Variants in IPCEF1 observed in about 807,000 individuals in gnomAD.
IPCEF1 encodes the protein interaction protein for cytohesin exchange factors 1, also known as interactor protein for cytohesin exchange factors 1.
IPCEF1 carries 31 observed loss-of-function variants against 50.9 expected under a neutral mutation model. That is an observed-to-expected ratio of 0.61 (90% CI 0.46 to 0.82). The LOEUF is 0.82. IPCEF1 is among the 40% of genes least tolerant of loss of function. The probability of loss-of-function intolerance (pLI) is 0.00; values close to 1 mark genes in which losing one functional copy is unlikely to be tolerated. For synonymous variants in IPCEF1, 181 were observed against 192.0 expected (o/e 0.94, Z 0.47); for missense variants, 458 against 514.0 (o/e 0.89, Z 1.05).
intron 10 of IPCEF1, among the ~76,000 whole-genome samples, chr6:154,184,403 A>G (rs1411689763): frequency 1.3e-5 from 2 of 152,126 alleles, no homozygotes; most frequent in Non-Finnish European, 2.9e-5. Context: ...TATCAAAAAT[A>G]ACAAGGTAGA....
chr6:154,271,521 G>C (rs1171351022), intron 2 of IPCEF1, among the ~76,000 whole-genome samples: 2 of 152,042 alleles, frequency 1.3e-5, no homozygotes, highest in Non-Finnish European at 1.5e-5. Flanking sequence ...ATATTATATA[G>C]ATTACTTTTA....
chr6:154,272,598 T>C (rs1037531884), intron 2 of IPCEF1, among the ~76,000 whole-genome samples: 1 of 152,236 alleles, frequency 6.6e-6, no homozygotes, highest in Non-Finnish European at 1.5e-5. Context: ...CTAGAAAATA[T>C]GTTTTGTTAG....
intron 5 of IPCEF1, among the ~76,000 whole-genome samples, chr6:154,230,353 T>C (rs1342560733): frequency 6.6e-6 from 1 of 152,218 alleles, no homozygotes; most frequent in Non-Finnish European, 1.5e-5. Flanking sequence ...TGTACCTTCC[T>C]CTTACTTTTG....
At chr6:154,250,576 G>T (rs548037179) in intron 3 of IPCEF1, among the ~76,000 whole-genome samples, 256 of 152,236 alleles carry the variant, frequency 1.7e-3, no homozygotes, top group African/African-American at 6.0e-3. Flanking sequence ...AAAAACACAT[G>T]GAAATATACA....
At chr6:154,225,498 A>G (rs1779178748) in intron 5 of IPCEF1, among the ~76,000 whole-genome samples, 1 of 152,252 alleles carries the variant, frequency 6.6e-6, no homozygotes, top group Admixed American at 6.5e-5. Flanking sequence ...ACAAAAGCTC[A>G]TCTCTCGTAT....
intron 1 of IPCEF1, among the ~76,000 whole-genome samples, chr6:154,333,725 A>G (rs1022548603): frequency 4.6e-5 from 7 of 151,404 alleles, no homozygotes; most frequent in African/African-American, 1.5e-4. Context: ...GTGTGTATGT[A>G]TATATGTGTA....
intron 1 of IPCEF1, among the ~76,000 whole-genome samples, chr6:154,296,651 A>T (rs1386554055): frequency 6.6e-6 from 1 of 152,024 alleles, no homozygotes; most frequent in Non-Finnish European, 1.5e-5. Context: ...AACACAGTGA[A>T]ACCCCATCTC....
chr6:154,190,948 C>G (rs1341052996), intron 10 of IPCEF1, among the ~76,000 whole-genome samples: 1 of 152,028 alleles, frequency 6.6e-6, no homozygotes. Context: ...CCCAGCTACT[C>G]AGGAGGCTGA....
chr6:154,200,171 A>G, intron 9 of IPCEF1, 131 bp from the exon 10 acceptor site: 1 of 780,116 alleles, frequency 1.3e-6, no homozygotes, highest in Non-Finnish European at 2.0e-6. Context: ...AAGAGTCAAA[A>G]GGTAAAGATA....
At chr6:154,340,880 G>A (rs532701328) in intron 1 of IPCEF1, among the ~76,000 whole-genome samples, 127 of 122,156 alleles carry the variant, frequency 1.0e-3, no homozygotes, top group African/African-American at 3.9e-3. Context: ...GCAAAACTCC[G>A]TCTCAAAAAA....
chr6:154,283,431 C>CAA (rs113601483), intron 2 of IPCEF1, among the ~76,000 whole-genome samples: 1 of 150,598 alleles, frequency 6.6e-6, no homozygotes, highest in African/African-American at 2.4e-5. Flanking sequence ...CCCATCTCTA[C>CAA]AAAAAAAATA....
chr6:154,258,173 C>T (rs1241478816), intron 3 of IPCEF1, among the ~76,000 whole-genome samples: 1 of 152,180 alleles, frequency 6.6e-6, no homozygotes, highest in Non-Finnish European at 1.5e-5. Context: ...GTGGTTAGTT[C>T]TAATACTAAC....
intron 1 of IPCEF1, among the ~76,000 whole-genome samples, chr6:154,303,892 G>A (rs752837264): frequency 6.6e-6 from 1 of 152,138 alleles, no homozygotes; most frequent in African/African-American, 2.4e-5. Context: ...CTGCACTCCA[G>A]CCTGAGCAAG....
At chr6:154,306,957 C>T (rs1171254974) in intron 1 of IPCEF1, among the ~76,000 whole-genome samples, 1 of 152,128 alleles carries the variant, frequency 6.6e-6, no homozygotes, top group Non-Finnish European at 1.5e-5. Flanking sequence ...GTTTGCCAGG[C>T]AGCCATCACA....
At chr6:154,290,866 G>A (rs1782495922) in intron 1 of IPCEF1, among the ~76,000 whole-genome samples, 1 of 148,530 alleles carries the variant, frequency 6.7e-6, no homozygotes, top group East Asian at 1.9e-4. Context: ...CTATTTTCCT[G>A]GAATTTTTCC....
intron 7 of IPCEF1, among the ~76,000 whole-genome samples, chr6:154,215,434 T>C (rs1160868818): frequency 6.6e-6 from 1 of 151,904 alleles, no homozygotes; most frequent in African/African-American, 2.4e-5. Context: ...AGAAACCCCG[T>C]CACTACTTAA....
chr6:154,288,415 G>C (rs1279188100), intron 2 of IPCEF1, among the ~76,000 whole-genome samples: 20 of 152,170 alleles, frequency 1.3e-4, no homozygotes, highest in Non-Finnish European at 2.5e-4. Context: ...TGTAATCCCA[G>C]CACTTTGGGA....
At chr6:154,289,980 T>A (rs575713063) in intron 1 of IPCEF1, among the ~76,000 whole-genome samples, 1 of 152,072 alleles carries the variant, frequency 6.6e-6, no homozygotes, top group Non-Finnish European at 1.5e-5. Context: ...CACCCAGGAA[T>A]GTCAGGCAAT....
intron 1 of IPCEF1, among the ~76,000 whole-genome samples, chr6:154,320,328 C>A (rs1236762228): frequency 6.6e-6 from 1 of 152,082 alleles, no homozygotes; most frequent in Non-Finnish European, 1.5e-5. Flanking sequence ...TTTTCTCTTT[C>A]CTGCTCATCT....
Sources: gnomAD v4.1 joint callset for allele counts (sites outside exome capture counted in the v4.1 genomes callset) on GRCh38, gnomAD v4.1.1 for gene constraint, MANE v1.5 for transcripts, NCBI Gene and HGNC (gene_info 2026-07-23, HGNC 2026-07-21) for gene names.